Variants in CACNA1E observed in about 807,000 individuals in gnomAD.
CACNA1E encodes voltage-dependent R-type calcium channel subunit alpha-1E.
Under a neutral mutation model 259.2 loss-of-function variants are expected in CACNA1E, and 40 were observed. That is an observed-to-expected ratio of 0.15 (90% CI 0.12 to 0.20). The LOEUF is 0.20. CACNA1E is among the 10% of genes least tolerant of loss of function. The probability of loss-of-function intolerance (pLI) is 1.00; values close to 1 mark genes in which losing one functional copy is unlikely to be tolerated. For synonymous variants in CACNA1E, 1,104 were observed against 1,138.5 expected (o/e 0.97, Z 0.61); for missense variants, 1,874 against 3,040.1 (o/e 0.62, Z 9.02).
At chr1:181,705,624 C>T (rs908273915) in intron 7 of CACNA1E, among the ~76,000 whole-genome samples, 1 of 152,150 alleles carries the variant, frequency 6.6e-6, no homozygotes, top group Non-Finnish European at 1.5e-5. Context: ...GGTTATCCTC[C>T]CTCAGAGGAG....
chr1:181,568,404 T>C (rs1296352371), intron 3 of CACNA1E, among the ~76,000 whole-genome samples: 1 of 152,132 alleles, frequency 6.6e-6, no homozygotes, highest in East Asian at 1.9e-4. Flanking sequence ...GGGGAGAAGG[T>C]AAAAGACCAA....
chr1:181,658,606 G>A (rs759933744), intron 7 of CACNA1E, among the ~76,000 whole-genome samples: 50 of 152,070 alleles, frequency 3.3e-4, no homozygotes, highest in Admixed American at 3.0e-3. Context: ...CCTGCTTAAC[G>A]GCCTGTGGAT....
chr1:181,557,380 C>T (rs1196760566), intron 3 of CACNA1E, among the ~76,000 whole-genome samples: 1 of 152,174 alleles, frequency 6.6e-6, no homozygotes, highest in Non-Finnish European at 1.5e-5. Flanking sequence ...CTGGAAAATG[C>T]CACCAGGAGC....
intron 26 of CACNA1E, among the ~76,000 whole-genome samples, chr1:181,750,717 A>AGAT (rs1657518176): frequency 6.6e-6 from 1 of 152,234 alleles, no homozygotes; most frequent in Non-Finnish European, 1.5e-5. Context: ...GTATGTAGAC[A>AGAT]GATGAGCCTA....
chr1:181,715,906 G>A (rs1017851216), intron 9 of CACNA1E, 134 bp from the exon 10 acceptor site: 11 of 644,850 alleles, frequency 1.7e-5, no homozygotes, highest in Non-Finnish European at 3.1e-5. Context: ...CCTGGCTCAG[G>A]TATTAAAGGC....
chr1:181,613,764 A>G (rs920277114), intron 6 of CACNA1E, among the ~76,000 whole-genome samples: 2 of 152,094 alleles, frequency 1.3e-5, no homozygotes, highest in African/African-American at 2.4e-5. Flanking sequence ...TTACTAATAA[A>G]TGTCCTTTGT....
chr1:181,386,186 C>T (rs1276591624), intron 1 of CACNA1E, among the ~76,000 whole-genome samples: 1 of 152,184 alleles, frequency 6.6e-6, no homozygotes, highest in Non-Finnish European at 1.5e-5. Context: ...GGTCTAAGTA[C>T]AGACTTCTCT....
chr1:181,411,901 C>T (rs899274993), intron 1 of CACNA1E, among the ~76,000 whole-genome samples: 9 of 152,272 alleles, frequency 5.9e-5, no homozygotes, highest in Non-Finnish European at 8.8e-5. Context: ...TGAGCCACTG[C>T]GCCCAGCCAG....
chr1:181,640,271 C>T (rs1009339600), intron 6 of CACNA1E, among the ~76,000 whole-genome samples: 4 of 152,168 alleles, frequency 2.6e-5, no homozygotes, highest in African/African-American at 7.2e-5. Context: ...CATGTACCTT[C>T]AGGCCTTCAG....
intron 2 of CACNA1E, among the ~76,000 whole-genome samples, chr1:181,422,151 C>A (rs776643971): frequency 4.6e-5 from 7 of 152,198 alleles, no homozygotes; most frequent in Non-Finnish European, 1.0e-4. Flanking sequence ...GAGAGGCTGT[C>A]CTTCATCACA....
At position 181,793,747 on chromosome 1, in the gene CACNA1E, G is replaced by A; in HGVS notation, c.5981G>A (p.Gly1994Glu). The change falls in exon 45 of 48, where the codon GGA becomes GAA. Residue 1994 changes from glycine (G) to glutamate (E), a missense_variant. Transcript: ENST00000367573. ...CCTTCGGACACCCAGGAGCATGCGG[G>A]ATCTGGGAGGGCATCTTCTATGCCA... ...YLPSDTQEHA[G>E]SGRASSMPRL... is the part of the protein sequence containing the mutation. The A allele has an allele frequency of 1.2e-6, 2 of 1,611,732 alleles. No homozygotes were observed. The highest frequency in any genetic ancestry group is 2.2e-5 in the East Asian group (1 of 44,862).
chr1:181,539,238 A>G (rs1309351209), intron 3 of CACNA1E, among the ~76,000 whole-genome samples: 1 of 152,176 alleles, frequency 6.6e-6, no homozygotes, highest in East Asian at 1.9e-4. Flanking sequence ...CCCAGTTGAC[A>G]TTAGTATCTC....
At chr1:181,472,310 G>A (rs902044778) in intron 2 of CACNA1E, among the ~76,000 whole-genome samples, 1 of 152,034 alleles carries the variant, frequency 6.6e-6, no homozygotes, top group African/African-American at 2.4e-5. Flanking sequence ...ATCTAATGTG[G>A]GGCATGTGGA....
At chr1:181,489,528 T>A (rs1442328625) in intron 1 of CACNA1E, among the ~76,000 whole-genome samples, 1 of 152,178 alleles carries the variant, frequency 6.6e-6, no homozygotes, top group Non-Finnish European at 1.5e-5. Flanking sequence ...TCTTGTAACC[T>A]GCTTTTTCTT....
intron 6 of CACNA1E, among the ~76,000 whole-genome samples, chr1:181,594,949 A>G (rs1572325315): frequency 6.6e-6 from 1 of 152,224 alleles, no homozygotes; most frequent in Admixed American, 6.5e-5. Flanking sequence ...GAAGATTTCT[A>G]TTATTGAGAT....
Position 181,671,210 on chromosome 1 carries a change from G to A in CACNA1E, c.1055+19769G>A, listed in dbSNP as rs186877409. 3.3e-5 allele frequency among the ~76,000 whole-genome samples: 5 copies of A among 152,190 alleles called. No homozygotes were observed. The East Asian group carries it at 7.7e-4, about 24-fold the overall frequency. Reference sequence around the variant, plus strand: ...CACCACACCTGGCTAATTTTTTGTAGAGGTGGGATCTCACTTTGTTGCCCA... The same window carrying A: ...CACCACACCTGGCTAATTTTTTGTAAAGGTGGGATCTCACTTTGTTGCCCA... On this transcript the variant is annotated intron_variant, in intron 7 of 47. Coordinates refer to ENST00000367573, the MANE Select transcript of CACNA1E (RefSeq NM_001205293.3).
At chr1:181,599,762 C>G (rs1653558058) in intron 6 of CACNA1E, among the ~76,000 whole-genome samples, 1 of 152,216 alleles carries the variant, frequency 6.6e-6, no homozygotes, top group South Asian at 2.1e-4. Flanking sequence ...AAGCTATCAG[C>G]AGGGAATATT....
At chr1:181,583,005 C>T (rs1200019832) in intron 6 of CACNA1E, among the ~76,000 whole-genome samples, 1 of 151,970 alleles carries the variant, frequency 6.6e-6, no homozygotes, top group Admixed American at 6.6e-5. Context: ...TTACTGAAGG[C>T]CTCCTGCTAT....
intron 6 of CACNA1E, among the ~76,000 whole-genome samples, chr1:181,600,317 G>T (rs1416918477): frequency 1.3e-5 from 2 of 152,198 alleles, no homozygotes; most frequent in Non-Finnish European, 2.9e-5. Context: ...CTGTGATTAG[G>T]AGTTTGGATT....
Sources: allele counts gnomAD v4.1 joint callset (sites outside exome capture counted in the v4.1 genomes callset), GRCh38; gene constraint gnomAD v4.1.1; transcripts MANE v1.5; gene names NCBI Gene and HGNC (gene_info 2026-07-23, HGNC 2026-07-21).